KCTD16: variants seen among roughly 807,000 people sequenced by gnomAD.
KCTD16 encodes potassium channel tetramerization domain containing 16.
In KCTD16, 13 loss-of-function variants were observed where a neutral mutation model predicts 33.2. The observed-to-expected ratio is 0.39, with a 90% CI of 0.25 to 0.62. The LOEUF (loss-of-function observed/expected upper bound fraction) is 0.62. KCTD16 is among the 20% of genes least tolerant of loss of function. The probability of loss-of-function intolerance (pLI) is 0.50; values close to 1 mark genes in which losing one functional copy is unlikely to be tolerated. For missense variants in KCTD16, 441 were observed against 525.1 expected (o/e 0.84, Z 1.57); for synonymous variants, 197 against 195.3 (o/e 1.01, Z -0.07).
chr5:144,288,367 T>C (rs1755805143), intron 3 of KCTD16, among the ~76,000 whole-genome samples: 1 of 152,126 alleles, frequency 6.6e-6, no homozygotes, highest in Admixed American at 6.5e-5. Flanking sequence ...ATCAACGTGT[T>C]GTGGGTTCTC....
intron 3 of KCTD16, chr5:144,384,258 A>T (rs545414007): frequency 6.6e-6 from 1 of 152,296 alleles, no homozygotes; most frequent in East Asian, 1.9e-4. Context: ...TAATGGATAG[A>T]CAAAGTCCAG....
At chr5:144,224,383 GT>G (rs530446253) in intron 3 of KCTD16, among the ~76,000 whole-genome samples, 4,140 of 100,280 alleles carry the variant, frequency 0.041, 177 homozygotes, top group African/African-American at 0.14. Context: ...AATATAATGT[GT>G]TTTTTTTTTT....
intron 3 of KCTD16, among the ~76,000 whole-genome samples, chr5:144,438,315 G>C (rs979126076): frequency 2.0e-5 from 3 of 152,140 alleles, no homozygotes; most frequent in African/African-American, 4.8e-5. Context: ...GGAAAAATTG[G>C]AATATAATGA....
intron 3 of KCTD16, among the ~76,000 whole-genome samples, chr5:144,274,653 A>T (rs1281513152): frequency 6.6e-6 from 1 of 152,164 alleles, no homozygotes; most frequent in African/African-American, 2.4e-5. Flanking sequence ...TTCAAATTCC[A>T]GTAGATAAGA....
At chr5:144,444,188 A>C (rs1753770354) in intron 3 of KCTD16, among the ~76,000 whole-genome samples, 2 of 143,520 alleles carry the variant, frequency 1.4e-5, no homozygotes, top group East Asian at 4.3e-4. Flanking sequence ...ACACAAACAA[A>C]CCCCACCCCA....
intron 3 of KCTD16, among the ~76,000 whole-genome samples, chr5:144,266,866 G>C (rs1046242365): frequency 2.2e-4 from 33 of 151,736 alleles, no homozygotes; most frequent in African/African-American, 8.0e-4. Context: ...TTACCTCTTT[G>C]CTGACCTATT....
intron 3 of KCTD16, among the ~76,000 whole-genome samples, chr5:144,278,515 G>T (rs1260662645): frequency 8.0e-6 from 1 of 124,462 alleles, no homozygotes; most frequent in East Asian, 2.2e-4. Flanking sequence ...TTTTGAGACG[G>T]AGTCTCGCTC....
intron 3 of KCTD16, among the ~76,000 whole-genome samples, chr5:144,452,840 C>G (rs143382436): frequency 1.5e-4 from 23 of 152,022 alleles, no homozygotes; most frequent in African/African-American, 5.1e-4. Flanking sequence ...TGAACCCTCC[C>G]CATGTGCTCA....
In KCTD16 at chr5:144,345,973, C is replaced by A. The variant is rs529424069; in HGVS notation, c.833-127687C>A. 2.6e-5 allele frequency among the ~76,000 whole-genome samples: 3 copies of A among 115,722 alleles called. No homozygotes were observed. In the South Asian group the frequency reaches 7.1e-4, roughly 27 times the overall value. 75.9% of individuals were successfully genotyped at this position (115,722 alleles called of 152,430 possible). On this transcript the variant is annotated intron_variant, in intron 3 of 3. Coordinates refer to ENST00000512467, the MANE Select transcript of KCTD16 (RefSeq NM_020768.4). ...CATTCTATTTTTTTTTTTTTTGTAG[C>A]TGTTAACTACCTCCACCTCCCCCCA...
intron 3 of KCTD16, among the ~76,000 whole-genome samples, chr5:144,395,176 G>A (rs1447562342): frequency 1.3e-5 from 2 of 152,182 alleles, no homozygotes; most frequent in Admixed American, 1.3e-4. Flanking sequence ...CCCACTTAAG[G>A]ACTAAGGCAG....
intron 3 of KCTD16, among the ~76,000 whole-genome samples, chr5:144,457,058 A>C (rs1754082393): frequency 6.6e-6 from 1 of 152,240 alleles, no homozygotes; most frequent in Non-Finnish European, 1.5e-5. Context: ...AATAAAATAC[A>C]AATTTGTAAT....
intron 3 of KCTD16, among the ~76,000 whole-genome samples, chr5:144,231,803 T>A (rs1234140058): frequency 1.3e-5 from 2 of 152,178 alleles, no homozygotes; most frequent in East Asian, 3.8e-4. Flanking sequence ...TCCTCCATGA[T>A]TGTAAGTTTT....
intron 3 of KCTD16, among the ~76,000 whole-genome samples, chr5:144,390,138 G>T (rs1561589952): frequency 1.3e-5 from 2 of 152,154 alleles, no homozygotes; most frequent in Non-Finnish European, 2.9e-5. Context: ...CTTTTATGTG[G>T]ATGTGAACAG....
chr5:144,213,946 C>A (rs933377119), intron 3 of KCTD16, among the ~76,000 whole-genome samples: 1 of 152,180 alleles, frequency 6.6e-6, no homozygotes, highest in Non-Finnish European at 1.5e-5. Context: ...CCAAGATGTG[C>A]AGTGGGCCCT....
At chr5:144,314,614 A>AGG (rs1188280872) in intron 3 of KCTD16, among the ~76,000 whole-genome samples, 2 of 152,110 alleles carry the variant, frequency 1.3e-5, no homozygotes, top group Non-Finnish European at 2.9e-5. Flanking sequence ...GGAGGACTGG[A>AGG]GGATGGTAGG....
At chr5:144,306,407 C>A (rs1306685426) in intron 3 of KCTD16, among the ~76,000 whole-genome samples, 1 of 152,224 alleles carries the variant, frequency 6.6e-6, no homozygotes, top group African/African-American at 2.4e-5. Flanking sequence ...CACTGCCTGC[C>A]CTGGCAGCAG....
At chr5:144,335,639 C>G (rs1332394986) in intron 3 of KCTD16, among the ~76,000 whole-genome samples, 1 of 152,088 alleles carries the variant, frequency 6.6e-6, no homozygotes, top group Non-Finnish European at 1.5e-5. Context: ...GTGCTGAGTC[C>G]AGGGAAGGCT....
At chr5:144,239,006 C>T (rs1209224995) in intron 3 of KCTD16, among the ~76,000 whole-genome samples, 1 of 152,074 alleles carries the variant, frequency 6.6e-6, no homozygotes, top group South Asian at 2.1e-4. Flanking sequence ...TGAGAGCACA[C>T]AGGGGAAGCC....
chr5:144,300,517 T>C (rs1751403031), intron 3 of KCTD16, among the ~76,000 whole-genome samples: 2 of 152,168 alleles, frequency 1.3e-5, no homozygotes, highest in Non-Finnish European at 2.9e-5. Flanking sequence ...TATTTTGCAA[T>C]AGAATTTATT....
Sources: allele counts gnomAD v4.1 joint callset (sites outside exome capture counted in the v4.1 genomes callset), GRCh38; gene constraint gnomAD v4.1.1; transcripts MANE v1.5; gene names NCBI Gene and HGNC (gene_info 2026-07-23, HGNC 2026-07-21).